The following PLB1 variants were observed in gnomAD, a reference collection of about 807,000 sequenced individuals.
The protein encoded by PLB1 is phospholipase B1, also known as phospholipase B1, membrane-associated.
PLB1 carries 242 observed loss-of-function variants against 227.4 expected under a neutral mutation model. The ratio of observed to expected loss-of-function variants is 1.06; its 90% CI spans 0.96 to 1.18. The LOEUF is 1.18. Among genes scored for constraint, PLB1 ranks in the 50% most tolerant of loss-of-function variants. The pLI is 0.00. For missense variants in PLB1, 1,858 were observed against 1,816.3 expected (o/e 1.02, Z -0.42); for synonymous variants, 757 against 682.2 (o/e 1.11, Z -1.71).
chr2:28,573,590 G>A (rs894682921), intron 21 of PLB1, among the ~76,000 whole-genome samples: 4 of 152,202 alleles, frequency 2.6e-5, no homozygotes, highest in African/African-American at 9.6e-5. Flanking sequence ...TAGGTTATAA[G>A]CAGGCTCACT....
intron 56 of PLB1, among the ~76,000 whole-genome samples, chr2:28,636,944 T>C (rs1013294758): frequency 6.6e-6 from 1 of 152,128 alleles, no homozygotes; most frequent in African/African-American, 2.4e-5. Context: ...TCGAAACTTA[T>C]CTGTTGCTCA....
intron 35 of PLB1, among the ~76,000 whole-genome samples, chr2:28,599,018 G>T (rs1468668598): frequency 6.6e-6 from 1 of 152,210 alleles, no homozygotes; most frequent in African/African-American, 2.4e-5. Context: ...ATAATTGGAC[G>T]AATCGACTAA....
At chr2:28,574,336 A>ACCCC (rs141787580) in intron 21 of PLB1, among the ~76,000 whole-genome samples, 48 of 70,278 alleles carry the variant, frequency 6.8e-4, no homozygotes, top group Non-Finnish European at 1.4e-3. Flanking sequence ...TTAATCCCTC[A>ACCCC]CCCCCCCCAC....
intron 33 of PLB1, among the ~76,000 whole-genome samples, chr2:28,596,692 TAAAC>T (rs745469098): frequency 3.3e-5 from 5 of 152,302 alleles, no homozygotes; most frequent in East Asian, 3.9e-4. Flanking sequence ...ATCAGACGCT[TAAAC>T]AAACGCCCAT....
chr2:28,620,178 C>T, intron 46 of PLB1, 87 bp from the exon 47 acceptor site: 1 of 870,392 alleles, frequency 1.1e-6, no homozygotes, highest in African/African-American at 1.7e-5. Context: ...AAATCCAGGT[C>T]CTAGCTGCTA....
At chr2:28,620,537 A>T in intron 47 of PLB1, 63 bp from the exon 48 acceptor site, 1 of 1,556,864 alleles carries the variant, frequency 6.4e-7, no homozygotes, top group East Asian at 2.3e-5. Flanking sequence ...TGGCTTGTGC[A>T]TATGTTGACA....
At position 28,585,770 on chromosome 2, in the gene PLB1, T is replaced by TCCC; in HGVS notation, c.1744_1746dup (p.Pro582dup). 1 of 1,607,214 alleles carries TCCC rather than the reference T, an allele frequency of 6.2e-7. No homozygotes were observed. The highest frequency in any genetic ancestry group is 1.3e-5 in the African/African-American group (1 of 74,882). ...TTGGTTTGGTCTACAGGTCTCTGTG[T>TCCC]CCCTGTGTCCTGAAGTTTGATGATA... On this transcript the variant is annotated inframe_insertion, in exon 26 of 58. Coordinates refer to ENST00000327757, the MANE Select transcript of PLB1 (RefSeq NM_153021.5).
At chr2:28,513,458 C>T (rs911503221) in intron 1 of PLB1, among the ~76,000 whole-genome samples, 5 of 152,226 alleles carry the variant, frequency 3.3e-5, no homozygotes, top group African/African-American at 1.2e-4. Context: ...AGTGTTTTCC[C>T]CCAGTTCCAT....
intron 47 of PLB1, 79 bp from the exon 48 acceptor site, chr2:28,620,521 C>G (rs565635815): frequency 6.6e-7 from 1 of 1,511,152 alleles, no homozygotes; most frequent in Non-Finnish European, 9.0e-7. Context: ...AACCCGGTTC[C>G]GGTTCTGGCT....
intron 1 of PLB1, among the ~76,000 whole-genome samples, chr2:28,500,751 A>AAAAAG (rs60094661): frequency 1.3e-5 from 2 of 152,154 alleles, no homozygotes; most frequent in Non-Finnish European, 2.9e-5. Context: ...GTCTCCAAAA[A>AAAAAG]AAAAGAAAAG....
intron 49 of PLB1, among the ~76,000 whole-genome samples, chr2:28,624,307 G>C (rs1031305564): frequency 6.6e-6 from 1 of 152,028 alleles, no homozygotes; most frequent in Non-Finnish European, 1.5e-5. Flanking sequence ...ATATAAATGG[G>C]ATCAAAGAGT....
rs554442943 is a variant in PLB1 at position 28,626,618 on chromosome 2, C to T, written c.3660+110C>T. 4.3e-6 allele frequency: 4 copies of T among 940,830 alleles called. No individual in the cohort carries two copies. The African/African-American group carries it at 4.9e-5, about 11-fold the overall frequency. The allele number at this position is 940,830 out of a possible 1,614,324, so 58.3% of individuals were successfully genotyped here. On this transcript the variant is annotated intron_variant, in intron 51 of 57. Transcript: ENST00000327757. ...GCCCCGAGCTCCTTGCTCATGGGAA[C>T]CACATTTGCCTGCTGCCCCAGGCCC...
chr2:28,581,671 A>G (rs1209130635), intron 23 of PLB1, among the ~76,000 whole-genome samples: 1 of 152,238 alleles, frequency 6.6e-6, no homozygotes, highest in South Asian at 2.1e-4. Context: ...CTGAATACAG[A>G]AAGAAGGGGA....
chr2:28,560,092 T>C (rs1273195720), intron 17 of PLB1, among the ~76,000 whole-genome samples: 3 of 152,182 alleles, frequency 2.0e-5, no homozygotes, highest in Non-Finnish European at 4.4e-5. Context: ...GAAAGCCTCC[T>C]GCAGACAACT....
At chr2:28,638,118 C>A (rs1689579881) in intron 56 of PLB1, among the ~76,000 whole-genome samples, 1 of 151,886 alleles carries the variant, frequency 6.6e-6, no homozygotes, top group African/African-American at 2.4e-5. Flanking sequence ...ATGACTGCTA[C>A]TCTCATGGGA....
At chr2:28,624,759 TG>T (rs1160789456) in intron 49 of PLB1, among the ~76,000 whole-genome samples, 1 of 149,896 alleles carries the variant, frequency 6.7e-6, no homozygotes, top group Non-Finnish European at 1.5e-5. Flanking sequence ...TGAACAGGCT[TG>T]GCTTACGAAG....
chr2:28,533,386 T>G lies in PLB1; in HGVS notation c.555+1192T>G, dbSNP rs1671273648. Among the ~76,000 whole-genome samples the G allele has an allele frequency of 3.3e-5, 5 of 152,152 alleles. No homozygotes were observed. In the South Asian group the frequency reaches 1.0e-3, roughly 32 times the overall value. Reference sequence around the variant, plus strand: ...CAGTGCCGAGTGAAATTTACGTGCCTCATTTGTTCTCTCCACAGCCCCCCT... The same window carrying G: ...CAGTGCCGAGTGAAATTTACGTGCCGCATTTGTTCTCTCCACAGCCCCCCT... On this transcript the variant is annotated intron_variant, in intron 9 of 57. Coordinates refer to ENST00000327757, the MANE Select transcript of PLB1 (RefSeq NM_153021.5).
intron 44 of PLB1, 22 bp from the exon 45 acceptor site, chr2:28,617,705 A>G: frequency 1.9e-6 from 3 of 1,613,004 alleles, no homozygotes; most frequent in African/African-American, 1.3e-5. Flanking sequence ...TGGGCACTGA[A>G]TCTTTTCTCC....
intron 12 of PLB1, among the ~76,000 whole-genome samples, chr2:28,541,086 C>T (rs997937615): frequency 2.6e-5 from 4 of 152,166 alleles, no homozygotes; most frequent in Admixed American, 6.5e-5. Flanking sequence ...CGGGAGAAGT[C>T]GTTTGAGCTT....
Sources: allele counts gnomAD v4.1 joint callset (sites outside exome capture counted in the v4.1 genomes callset), GRCh38; gene constraint gnomAD v4.1.1; transcripts MANE v1.5; gene names NCBI Gene and HGNC (gene_info 2026-07-23, HGNC 2026-07-21).